KIF23: variants seen among roughly 807,000 people sequenced by gnomAD.
KIF23 encodes kinesin-like protein KIF23.
KIF23 carries 30 observed loss-of-function variants against 137.5 expected under a neutral mutation model. The observed-to-expected ratio is 0.22, with a 90% CI of 0.16 to 0.30. KIF23 has a LOEUF of 0.30. Among genes scored for constraint, KIF23 ranks in the 10% least tolerant of loss-of-function variants. The probability of loss-of-function intolerance (pLI) is 1.00; values close to 1 mark genes in which losing one functional copy is unlikely to be tolerated. For missense variants in KIF23, 920 were observed against 1,194.3 expected (o/e 0.77, Z 3.38); for synonymous variants, 367 against 391.1 (o/e 0.94, Z 0.73).
chr15:69,416,775 C>T (rs905660196), intron 2 of KIF23, among the ~76,000 whole-genome samples: 15 of 151,856 alleles, frequency 9.9e-5, no homozygotes, highest in Non-Finnish European at 1.8e-4. Context: ...GCCAACATGG[C>T]GAAACCCTGT....
intron 7 of KIF23, among the ~76,000 whole-genome samples, chr15:69,424,024 C>T (rs980087411): frequency 6.6e-6 from 1 of 152,106 alleles, no homozygotes; most frequent in African/African-American, 2.4e-5. Context: ...TAGGGCCTCT[C>T]AGGACATAAA....
At chr15:69,414,790 C>T (rs1195084485) in intron 1 of KIF23, 1 of 331,964 alleles carries the variant, frequency 3.0e-6, no homozygotes. Context: ...CAGTCCTCCT[C>T]GGGGTCCCGG....
chr15:69,436,896 A>G (rs551968807), intron 15 of KIF23, among the ~76,000 whole-genome samples, 174 bp downstream of exon 15: 77 of 152,222 alleles, frequency 5.1e-4, no homozygotes, highest in Non-Finnish European at 8.1e-4. Context: ...CTGGGACTAC[A>G]GGCACATGCC....
At chr15:69,443,181 G>A (rs899273739) in intron 19 of KIF23, among the ~76,000 whole-genome samples, 1 of 152,124 alleles carries the variant, frequency 6.6e-6, no homozygotes, top group Non-Finnish European at 1.5e-5. Context: ...CACTAGTGCT[G>A]CATTTGTTTC....
In KIF23 at chr15:69,428,660, C is replaced by CAA. The variant is rs59950355; in HGVS notation, c.1012-427_1012-426dup. 5.4e-3 allele frequency among the ~76,000 whole-genome samples: 398 copies of CAA among 74,050 alleles called. 13 individuals are homozygous for CAA. The highest frequency in any genetic ancestry group is 0.019 in the African/African-American group (335 of 17,376). The allele number at this position is 74,050 out of a possible 152,430, so 48.6% of individuals were successfully genotyped here. A position where few individuals can be genotyped will look rare whatever the true frequency, so the allele number is the denominator to read the frequency against. On this transcript the variant is annotated intron_variant, in intron 10 of 23. Coordinates refer to ENST00000679126, the MANE Select transcript of KIF23 (RefSeq NM_001367805.3). ...GGAGGTAGAGCGAGACTCTGTCTCC[C>CAA]AAAAAAAAAAAAAAAAAAAAAAAAA... is the stretch of plus-strand genomic sequence containing the variant.
rs2057054941 is a variant in KIF23 at position 69,421,497 on chromosome 15, C to CT, written c.211-149dup. ...TCATGACTTTTTAGTAACTAAATAA[C>CT]TAAGGGTTCCAACTGTAAAAAGACC... On this transcript the variant is annotated intron_variant, in intron 3 of 23. Coordinates refer to ENST00000679126, the MANE Select transcript of KIF23 (RefSeq NM_001367805.3). 29 of 539,318 alleles carry CT rather than the reference C, an allele frequency of 5.4e-5. No homozygotes were observed. In the Middle Eastern group the frequency reaches 8.0e-3, roughly 149 times the overall value. 33.4% of individuals were successfully genotyped at this position (539,318 alleles called of 1,614,324 possible). A position where few individuals can be genotyped will look rare whatever the true frequency, so the allele number is the denominator to read the frequency against.
chr15:69,438,314 A>G lies in KIF23; in HGVS notation c.1664A>G (p.Gln555Arg), dbSNP rs771172171. ...GTTTTAAGTAAAGAAAACCACATGC[A>G]AGGGAAACTAAATGAAAAGGAGAAG... ...NAVLSKENHM[Q>R]GKLNEKEKMI... The change falls in exon 16 of 24, where the codon CAA becomes CGA. Residue 555 changes from glutamine to arginine, a missense_variant. Coordinates refer to ENST00000679126, the MANE Select transcript of KIF23 (RefSeq NM_001367805.3). 38 of 1,613,436 alleles carry G rather than the reference A, an allele frequency of 2.4e-5. No individual in the cohort carries two copies. In the South Asian group the frequency reaches 4.1e-4, roughly 17 times the overall value.
At position 69,444,894 on chromosome 15, in the gene KIF23, G is replaced by T. The variant is rs1042610514; in HGVS notation, c.2526G>T (p.Met842Ile). The T allele has an allele frequency of 6.2e-7, 1 of 1,614,018 alleles. No homozygotes were observed. The highest frequency in any genetic ancestry group is 8.5e-7 in the Non-Finnish European group (1 of 1,180,028). Residue 842 changes from methionine (M) to isoleucine (I), a missense_variant, in exon 20 of 24, where the codon ATG (methionine) becomes ATT (isoleucine). Met to Ile is a conservative substitution (Grantham distance 10). Around this residue, in one of 4 missense-constraint regions of KIF23, gnomAD observed 75 missense variants for 177.9 expected, o/e 0.42. Transcript: ENST00000679126. This position sits in a 1 kb window ranked among gnomAD's most constrained non-coding sequence, Gnocchi z 4.2. ...TAGATCATAAGCCCGCCTCTAACATGCAAACTGAAACAGTCATGCAGCCAC... is the reference window on the plus strand; with the variant it reads ...TAGATCATAAGCCCGCCTCTAACATTCAAACTGAAACAGTCATGCAGCCAC... Reference protein sequence around the residue: ...RWVDHKPASNMQTETVMQPHV... With the variant: ...RWVDHKPASNIQTETVMQPHV...
chr15:69,435,599 C>G (rs541961402), intron 12 of KIF23, 37 bp downstream of exon 12: 1 of 1,612,612 alleles, frequency 6.2e-7, no homozygotes, highest in Non-Finnish European at 8.5e-7. Context: ...TGTATAGTTT[C>G]ATTTGTGTGC....
chr15:69,431,156 AT>A (rs940402734), intron 11 of KIF23, among the ~76,000 whole-genome samples: 27 of 152,212 alleles, frequency 1.8e-4, no homozygotes, highest in African/African-American at 6.3e-4. Flanking sequence ...GAGGTGTTTG[AT>A]TGAGGAGAAG....
chr15:69,435,136 G>T (rs572526132), intron 11 of KIF23: 5 of 462,676 alleles, frequency 1.1e-5, no homozygotes, highest in South Asian at 4.6e-5. Flanking sequence ...ATTGCCTAGA[G>T]AATATATTTT....
At chr15:69,442,454 A>G (rs889214180) in intron 19 of KIF23, among the ~76,000 whole-genome samples, 7 of 152,240 alleles carry the variant, frequency 4.6e-5, no homozygotes, top group African/African-American at 1.4e-4. Context: ...TAAATCTTAC[A>G]GTAAACATTT....
rs538576274 is a variant in KIF23, at chr15:69,426,079, A to T, written c.786A>T (p.Gln262His). ...TTTTTCTTTCCCATAGACCTCCACA[A>T]TCTAAATTGCTTCGTGAAGATAAGA... is the stretch of plus-strand genomic sequence containing the variant. ...PMRNTDFVPP[Q>H]SKLLREDKNH... Residue 262 changes from glutamine to histidine, a missense_variant, in exon 9 of 24, where the codon CAA becomes CAT. Coordinates refer to ENST00000679126, the MANE Select transcript of KIF23 (RefSeq NM_001367805.3). 3.8e-6 allele frequency: 6 copies of T among 1,583,440 alleles called. No individual in the cohort carries two copies. The East Asian group carries it at 1.4e-4, about 36-fold the overall frequency.
intron 11 of KIF23, among the ~76,000 whole-genome samples, chr15:69,432,734 A>G (rs566828275): frequency 6.6e-6 from 1 of 152,214 alleles, no homozygotes; most frequent in African/African-American, 2.4e-5. Flanking sequence ...TTTGTCATAC[A>G]GTAATTATGT....
rs780107634 is a variant in KIF23, at chr15:69,423,161, G to A, written c.566G>A (p.Arg189Gln). 5 of 1,562,382 alleles carry A rather than the reference G, an allele frequency of 3.2e-6. No individual in the cohort carries two copies. The highest frequency in any genetic ancestry group is 1.2e-5 in the South Asian group (1 of 84,592). ...MPNPKTSSSK[R>Q]QVDPEFADMI... ...CAATTGAACTTTTCTTTTTTTAGAC[G>A]ACAAGTAGATCCAGAGTTTGCAGAT... is the stretch of plus-strand genomic sequence containing the variant. Residue 189 changes from arginine to glutamine, a missense_variant and splice_region_variant, in exon 7 of 24, where the codon CGA becomes CAA. Transcript: ENST00000679126.
chr15:69,427,819 G>A (rs1192376274), intron 10 of KIF23, among the ~76,000 whole-genome samples: 2 of 152,152 alleles, frequency 1.3e-5, no homozygotes, highest in African/African-American at 2.4e-5. Context: ...AGACCTCCAG[G>A]ATTTGAATGC....
chr15:69,414,602 C>T (rs1465119415), intron 1 of KIF23, 126 bp downstream of exon 1: 2 of 1,097,238 alleles, frequency 1.8e-6, no homozygotes, highest in Non-Finnish European at 2.4e-6. Flanking sequence ...CCGCCCGGTG[C>T]TGCTGCGGCC....
intron 11 of KIF23, among the ~76,000 whole-genome samples, chr15:69,432,761 C>T (rs2057386415): frequency 6.6e-6 from 1 of 152,032 alleles, no homozygotes; most frequent in Non-Finnish European, 1.5e-5. Context: ...TTATTAATAC[C>T]TTAAAGACAC....
rs745480066 is a variant in KIF23, at chr15:69,426,366, A to G, written c.920A>G (p.His307Arg). The change falls in exon 10 of 24, where the codon CAT becomes CGT. Residue 307 changes from histidine (H) to arginine (R), a missense_variant. By Grantham distance (29) the His-to-Arg change is conservative (BLOSUM62 0). This residue lies in a region of KIF23 where 714 missense variants were observed against 866.2 expected (regional missense o/e 0.82). Coordinates refer to ENST00000679126, the MANE Select transcript of KIF23 (RefSeq NM_001367805.3). ...GQKKRRIANT[H>R]LNRESSRSHS... is the part of the protein sequence containing the mutation. The stretch of plus-strand genomic sequence containing the variant: ...AAAAAGAGACGTATTGCTAATACCC[A>G]TTTGAATCGTGAGTCCAGCCGTTCC... The G allele has an allele frequency of 2.5e-6, 4 of 1,614,054 alleles. No homozygotes were observed. The East Asian group carries it at 8.9e-5, about 36-fold the overall frequency.
Sources: gnomAD v4.1 joint callset for allele counts (sites outside exome capture counted in the v4.1 genomes callset) on GRCh38, gnomAD v4.1.1 for gene constraint, gnomAD v4.1.1 regional missense constraint, Gnocchi (gnomAD v3.1) non-coding constraint, MANE v1.5 for transcripts, NCBI Gene and HGNC (gene_info 2026-07-23, HGNC 2026-07-21) for gene names.